The following SLC16A10 variants were observed in gnomAD, a reference collection of about 807,000 sequenced individuals.
The protein encoded by SLC16A10 is solute carrier family 16 member 10.
In SLC16A10, 27 loss-of-function variants were observed where a neutral mutation model predicts 40.0. The observed-to-expected ratio is 0.67, with a 90% CI of 0.50 to 0.93. The LOEUF (loss-of-function observed/expected upper bound fraction) is 0.93. Among genes scored for constraint, SLC16A10 ranks in the 40% least tolerant of loss-of-function variants. The pLI is 0.00. For missense variants in SLC16A10, 529 were observed against 658.2 expected, an observed-to-expected ratio of 0.80 and a Z score of 2.15; for synonymous variants, 213 against 249.8, an observed-to-expected ratio of 0.85 and a Z score of 1.39.
intron 1 of SLC16A10, among the ~76,000 whole-genome samples, chr6:111,164,227 A>C (rs1160817451): frequency 6.8e-6 from 1 of 146,606 alleles, no homozygotes; most frequent in African/African-American, 2.8e-5. Flanking sequence ...GCCTTCTTAT[A>C]ATCCTTTACT....
intron 1 of SLC16A10, among the ~76,000 whole-genome samples, chr6:111,101,019 AAT>A (rs1771178025): frequency 1.3e-5 from 1 of 77,386 alleles, no homozygotes; most frequent in Non-Finnish European, 2.7e-5. Flanking sequence ...TATATATATA[AAT>A]ATATGTATAT....
chr6:111,089,758 C>T (rs1770939166), intron 1 of SLC16A10, among the ~76,000 whole-genome samples: 1 of 152,046 alleles, frequency 6.6e-6, no homozygotes, highest in South Asian at 2.1e-4. Context: ...GCAGAATTGA[C>T]AGAGTTAACA....
intron 1 of SLC16A10, among the ~76,000 whole-genome samples, chr6:111,129,501 C>T (rs925717882): frequency 6.6e-6 from 1 of 152,060 alleles, no homozygotes; most frequent in African/African-American, 2.4e-5. Flanking sequence ...TGTTATAAAG[C>T]CAGTTTTATC....
intron 3 of SLC16A10, among the ~76,000 whole-genome samples, chr6:111,187,304 G>T (rs1187281489): frequency 3.3e-5 from 5 of 152,256 alleles, no homozygotes; most frequent in African/African-American, 1.2e-4. Context: ...GATTTGGGGT[G>T]GCGAAACAAC....
intron 1 of SLC16A10, among the ~76,000 whole-genome samples, chr6:111,122,791 G>C (rs1341954429): frequency 4.6e-5 from 7 of 152,158 alleles, no homozygotes; most frequent in Admixed American, 4.6e-4. Context: ...CAGGCCAGGA[G>C]CTCACCTCCC....
At chr6:111,213,127 T>G (rs1181010266) in intron 4 of SLC16A10, among the ~76,000 whole-genome samples, 1 of 152,196 alleles carries the variant, frequency 6.6e-6, no homozygotes, top group Admixed American at 6.5e-5. Context: ...GGAATTTAGA[T>G]CACTTTTCCA....
intron 1 of SLC16A10, among the ~76,000 whole-genome samples, chr6:111,145,194 C>A (rs1201335316): frequency 6.6e-5 from 10 of 152,022 alleles, no homozygotes; most frequent in Admixed American, 6.6e-4. Context: ...CACCTGTAAT[C>A]CCAGCATAAG....
chr6:111,145,174 C>G (rs1772054303), intron 1 of SLC16A10, among the ~76,000 whole-genome samples: 1 of 151,710 alleles, frequency 6.6e-6, no homozygotes, highest in Admixed American at 6.6e-5. Context: ...GGGCCAGACA[C>G]TGTGGCTCTC....
At chr6:111,160,075 C>A (rs1049951670) in intron 1 of SLC16A10, among the ~76,000 whole-genome samples, 2 of 151,678 alleles carry the variant, frequency 1.3e-5, no homozygotes, top group East Asian at 3.9e-4. Flanking sequence ...TGTGGCTTGT[C>A]TTTTTATTCT....
intron 4 of SLC16A10, among the ~76,000 whole-genome samples, chr6:111,217,009 CG>C: frequency 1.3e-5 from 2 of 152,138 alleles, no homozygotes; most frequent in Non-Finnish European, 2.9e-5. Context: ...TCCGTAGGTC[CG>C]TAGGTGTGCT....
chr6:111,150,878 G>T (rs1772161100), intron 1 of SLC16A10, among the ~76,000 whole-genome samples: 1 of 152,052 alleles, frequency 6.6e-6, no homozygotes, highest in African/African-American at 2.4e-5. Context: ...TTTTTAATTT[G>T]TTCTGTGGGT....
At chr6:111,101,098 A>T in intron 1 of SLC16A10, among the ~76,000 whole-genome samples, 1 of 150,562 alleles carries the variant, frequency 6.6e-6, no homozygotes, top group African/African-American at 2.4e-5. Flanking sequence ...TGGTGGGATC[A>T]TGGCTCACTG....
chr6:111,204,791 A>G (rs1773228563), intron 3 of SLC16A10, among the ~76,000 whole-genome samples: 1 of 152,190 alleles, frequency 6.6e-6, no homozygotes, highest in South Asian at 2.1e-4. Flanking sequence ...CTTTTAAACT[A>G]AAGGGCTCCT....
intron 1 of SLC16A10, among the ~76,000 whole-genome samples, chr6:111,155,365 T>G (rs1479582325): frequency 2.0e-5 from 3 of 151,604 alleles, no homozygotes; most frequent in Non-Finnish European, 2.9e-5. Flanking sequence ...AAAAGTTGTT[T>G]CGTTTTTTTT....
intron 1 of SLC16A10, among the ~76,000 whole-genome samples, chr6:111,133,072 A>T (rs1771813758): frequency 6.6e-6 from 1 of 152,180 alleles, no homozygotes; most frequent in African/African-American, 2.4e-5. Context: ...TTGTTATGAA[A>T]TACTCAGGAA....
At chr6:111,220,815 G>A (rs1770875452) in intron 5 of SLC16A10, among the ~76,000 whole-genome samples, 1 of 152,194 alleles carries the variant, frequency 6.6e-6, no homozygotes, top group Non-Finnish European at 1.5e-5. Context: ...GAGGTAACAG[G>A]AAACTTCTAA....
At chr6:111,088,751 T>C (rs1161106138) in intron 1 of SLC16A10, among the ~76,000 whole-genome samples, 1 of 152,128 alleles carries the variant, frequency 6.6e-6, no homozygotes, top group African/African-American at 2.4e-5. Flanking sequence ...TCTTCCCTCT[T>C]CCTGTTGTGT....
chr6:111,217,184 C>T (rs12210707), intron 4 of SLC16A10, among the ~76,000 whole-genome samples: 15,394 of 152,268 alleles, frequency 0.1, 1,033 homozygotes, highest in Middle Eastern at 0.18. Flanking sequence ...TCCAGGACGG[C>T]TCCATCTTCT....
intron 1 of SLC16A10, among the ~76,000 whole-genome samples, chr6:111,088,759 T>C (rs914632659): frequency 1.3e-5 from 2 of 152,206 alleles, no homozygotes; most frequent in African/African-American, 4.8e-5. Flanking sequence ...CTTCCTGTTG[T>C]GTTTTTTGAC....
Sources: allele counts gnomAD v4.1 joint callset (sites outside exome capture counted in the v4.1 genomes callset), GRCh38; gene constraint gnomAD v4.1.1; transcripts MANE v1.5; gene names NCBI Gene and HGNC (gene_info 2026-07-23, HGNC 2026-07-21).